The following WWC1 variants were observed in gnomAD, a reference collection of about 807,000 sequenced individuals.
WWC1 encodes protein KIBRA.
Under a neutral mutation model 138.4 loss-of-function variants are expected in WWC1, and 55 were observed. The observed-to-expected ratio is 0.40, with a 90% CI of 0.32 to 0.50. The LOEUF is 0.50. Ranked by LOEUF, WWC1 falls within the 20% of genes least tolerant of loss-of-function variation. The pLI is 0.72. For synonymous variants in WWC1, 524 were observed against 564.9 expected, an observed-to-expected ratio of 0.93 and a Z score of 1.03; for missense variants, 1,226 against 1,420.4, an observed-to-expected ratio of 0.86 and a Z score of 2.20.
chr5:168,297,689 C>T (rs1398206816), intron 1 of WWC1, among the ~76,000 whole-genome samples: 2 of 149,510 alleles, frequency 1.3e-5, no homozygotes, highest in Non-Finnish European at 3.0e-5. Flanking sequence ...CAAGGTCACA[C>T]AGAAAATAAA....
chr5:168,388,757 G>A (rs574304886), intron 3 of WWC1, among the ~76,000 whole-genome samples: 1 of 151,972 alleles, frequency 6.6e-6, no homozygotes, highest in East Asian at 1.9e-4. Flanking sequence ...CTGAACCTGG[G>A]AGGCGGAGGT....
rs188922454 is a variant in WWC1, at chr5:168,373,968, C to A, written c.229+2435C>A. Among the ~76,000 whole-genome samples, 751 of 150,576 alleles carry A rather than the reference C, an allele frequency of 5.0e-3. 5 individuals are homozygous for A. The highest frequency in any genetic ancestry group is 0.018 in the African/African-American group (715 of 40,838). Reference sequence around the variant, plus strand: ...GGCTGAGGCAGGAGAATGGCATGAACCCTGGAAGCGGAGCTTGCAGTGAGC... The same window carrying A: ...GGCTGAGGCAGGAGAATGGCATGAAACCTGGAAGCGGAGCTTGCAGTGAGC... On this transcript the variant is annotated intron_variant, in intron 2 of 22. Transcript: ENST00000265293.
chr5:168,440,146 C>G (rs1458931053), intron 15 of WWC1, among the ~76,000 whole-genome samples: 2 of 152,152 alleles, frequency 1.3e-5, no homozygotes, highest in Non-Finnish European at 1.5e-5. Context: ...GGGGAAAGGA[C>G]TTGAATAGAC....
At chr5:168,302,821 A>G (rs1311964569) in intron 1 of WWC1, among the ~76,000 whole-genome samples, 1 of 152,160 alleles carries the variant, frequency 6.6e-6, no homozygotes, top group African/African-American at 2.4e-5. Flanking sequence ...TTGTTTTGGC[A>G]CTGGGGGTTC....
At chr5:168,326,044 T>C (rs995230350) in intron 1 of WWC1, among the ~76,000 whole-genome samples, 1 of 152,182 alleles carries the variant, frequency 6.6e-6, no homozygotes, top group African/African-American at 2.4e-5. Flanking sequence ...ACATTTTGCT[T>C]TTCTGTTCCT....
intron 3 of WWC1, among the ~76,000 whole-genome samples, chr5:168,393,400 C>T (rs1279325538): frequency 2.0e-5 from 3 of 152,130 alleles, no homozygotes; most frequent in Non-Finnish European, 4.4e-5. Context: ...CAGAAATGAT[C>T]AGGACTCAGA....
At chr5:168,412,185 G>C in intron 8 of WWC1, 1 of 985,442 alleles carries the variant, frequency 1.0e-6, no homozygotes, top group Non-Finnish European at 1.2e-6. Context: ...TGAGCCATTA[G>C]ACTTCTCATC....
Position 168,451,781 on chromosome 5 carries a change from G to T in WWC1, c.2526-2187G>T, listed in dbSNP as rs1242450552. ...ACAAGATGCAAGTACACACCCAGTA[G>T]TAGAGTGACTAACTATAAAGATAAA... On this transcript the variant is annotated intron_variant, in intron 17 of 22. Transcript: ENST00000265293. Among the ~76,000 whole-genome samples, 7 of 152,126 alleles carry T rather than the reference G, an allele frequency of 4.6e-5. 1 individual carries two copies. Among genetic ancestry groups the T allele is most frequent in the Admixed American group, 6.5e-5 (1 of 15,270 alleles).
In WWC1 at chr5:168,424,084, C is replaced by A; in HGVS notation, c.1810+16C>A. On this transcript the variant is annotated intron_variant, in intron 11 of 22. Coordinates refer to ENST00000265293, the MANE Select transcript of WWC1 (RefSeq NM_015238.3). The stretch of plus-strand genomic sequence containing the variant: ...CTGGGCCAAGGTAGAGAGCACCATA[C>A]CCAGAGGGTGGGAACCAGGAGGAGG... 6.4e-7 allele frequency: 1 copy of A among 1,565,660 alleles called. No individual in the cohort carries two copies. Among genetic ancestry groups the A allele is most frequent in the African/African-American group, 1.4e-5 (1 of 73,628 alleles).
intron 1 of WWC1, among the ~76,000 whole-genome samples, chr5:168,329,216 G>C (rs550669894): frequency 6.6e-6 from 1 of 152,252 alleles, no homozygotes; most frequent in African/African-American, 2.4e-5. Context: ...CCCTGAGCAG[G>C]GACCTGTAGT....
chr5:168,334,788 C>G (rs1282616105), intron 1 of WWC1, among the ~76,000 whole-genome samples: 1 of 152,244 alleles, frequency 6.6e-6, no homozygotes, highest in Non-Finnish European at 1.5e-5. Context: ...CTCCCAAGAA[C>G]AAGGGTTAGG....
chr5:168,337,315 G>A (rs1172069133), intron 1 of WWC1, among the ~76,000 whole-genome samples: 1 of 148,112 alleles, frequency 6.8e-6, no homozygotes, highest in African/African-American at 2.5e-5. Flanking sequence ...TACTTCAGGC[G>A]TATTCATCTT....
chr5:168,393,853 T>A (rs1778688220), intron 3 of WWC1, among the ~76,000 whole-genome samples: 1 of 152,102 alleles, frequency 6.6e-6, no homozygotes, highest in Admixed American at 6.5e-5. Context: ...GAGATTTAGA[T>A]AACCAGCAGA....
chr5:168,408,602 G>A lies in WWC1; in HGVS notation c.816G>A (p.Pro272=), dbSNP rs140218628. The A allele has an allele frequency of 1.1e-4, 182 of 1,614,170 alleles. No individual in the cohort carries two copies. The African/African-American group carries it at 2.0e-3, about 17-fold the overall frequency. The change falls in exon 7 of 23, where the codon CCG becomes CCA. Residue 272 remains proline, a synonymous_variant. Coordinates refer to ENST00000265293, the MANE Select transcript of WWC1 (RefSeq NM_015238.3). ...GCTCTCTGGAGAGTTCGAGTTTCCC[G>A]CTACCGAAACAGTACCTGGATGTGA... ...SSSSLESSSF[P]LPKQYLDVSS... is the part of the protein sequence containing the mutation.
chr5:168,351,263 G>A (rs1403388141), intron 1 of WWC1, among the ~76,000 whole-genome samples: 1 of 152,092 alleles, frequency 6.6e-6, no homozygotes, highest in Non-Finnish European at 1.5e-5. Context: ...AGACACAGTA[G>A]CTCCAGACTG....
chr5:168,385,899 C>T (rs1395711971), intron 3 of WWC1, among the ~76,000 whole-genome samples: 1 of 152,180 alleles, frequency 6.6e-6, no homozygotes, highest in Non-Finnish European at 1.5e-5. Flanking sequence ...GGCTTCCCCT[C>T]ACTCTTTCCA....
chr5:168,363,680 A>G (rs1776065808), intron 1 of WWC1, among the ~76,000 whole-genome samples: 3 of 152,254 alleles, frequency 2.0e-5, no homozygotes, highest in Middle Eastern at 3.4e-3. Flanking sequence ...ATAAAACCTA[A>G]CTCATCCTAA....
chr5:168,410,011 C>G lies in WWC1; in HGVS notation c.941+16C>G. On this transcript the variant is annotated intron_variant, in intron 8 of 22. Transcript: ENST00000265293. ...CTAAGAGAAGGTAATTGGGCTGGGG[C>G]TAGGGGCGGGATGGTTCCAAAAATA... is the stretch of plus-strand genomic sequence containing the variant. 6.2e-7 allele frequency: 1 copy of G among 1,610,766 alleles called. No homozygotes were observed. Among genetic ancestry groups the G allele is most frequent in the South Asian group, 1.1e-5 (1 of 91,022 alleles).
intron 1 of WWC1, among the ~76,000 whole-genome samples, chr5:168,337,290 A>G (rs1177481057): frequency 1.3e-5 from 2 of 152,008 alleles, no homozygotes; most frequent in Non-Finnish European, 2.9e-5. Context: ...TTTTGCATGA[A>G]TTCTTTTTTT....
Sources: allele counts gnomAD v4.1 joint callset (sites outside exome capture counted in the v4.1 genomes callset), GRCh38; gene constraint gnomAD v4.1.1; transcripts MANE v1.5; gene names NCBI Gene and HGNC (gene_info 2026-07-23, HGNC 2026-07-21).